The following RIMS2 variants were observed in gnomAD, a reference collection of about 807,000 sequenced individuals.
The protein encoded by RIMS2 is regulating synaptic membrane exocytosis protein 2.
RIMS2 carries 59 observed loss-of-function variants against 174.4 expected under a neutral mutation model. The observed-to-expected ratio is 0.34, with a 90% CI of 0.27 to 0.42. The LOEUF is 0.42. Among genes scored for constraint, RIMS2 ranks in the 10% least tolerant of loss-of-function variants. The pLI is 1.00. For synonymous variants in RIMS2, 606 were observed against 572.5 expected (o/e 1.06, Z -0.84); for missense variants, 1,620 against 1,666.3 (o/e 0.97, Z 0.48).
intron 1 of RIMS2, among the ~76,000 whole-genome samples, chr8:103,608,718 A>G (rs1372549286): frequency 6.6e-6 from 1 of 152,106 alleles, no homozygotes; most frequent in Non-Finnish European, 1.5e-5. Flanking sequence ...AGCCCTTCAG[A>G]AAAGCGCAGT....
intron 13 of RIMS2, among the ~76,000 whole-genome samples, chr8:103,936,967 G>A (rs983263685): frequency 1.3e-5 from 2 of 151,892 alleles, no homozygotes; most frequent in Non-Finnish European, 2.9e-5. Context: ...GCATGGTGGT[G>A]GGCGCCTGTA....
chr8:104,016,193 C>A (rs2154554300), intron 19 of RIMS2, among the ~76,000 whole-genome samples: 1 of 152,070 alleles, frequency 6.6e-6, no homozygotes. Flanking sequence ...ATGCCTGGCA[C>A]ATTGTAGACC....
chr8:103,873,147 T>G (rs2099120510), intron 3 of RIMS2, among the ~76,000 whole-genome samples: 1 of 152,140 alleles, frequency 6.6e-6, no homozygotes, highest in Non-Finnish European at 1.5e-5. Flanking sequence ...TCCTCCCTCA[T>G]GGATGGAGCT....
chr8:103,778,601 T>C (rs2098345492), intron 3 of RIMS2, among the ~76,000 whole-genome samples: 1 of 152,178 alleles, frequency 6.6e-6, no homozygotes, highest in Admixed American at 6.5e-5. Flanking sequence ...ATTCTTTTTA[T>C]GGCCAAATAA....
intron 17 of RIMS2, among the ~76,000 whole-genome samples, chr8:104,011,219 T>A (rs779315795): frequency 6.6e-6 from 1 of 152,124 alleles, no homozygotes; most frequent in Non-Finnish European, 1.5e-5. Flanking sequence ...CCTTCTCTTA[T>A]GTGCTGTCAA....
At chr8:103,750,276 G>A (rs1412301135) in intron 2 of RIMS2, among the ~76,000 whole-genome samples, 2 of 152,064 alleles carry the variant, frequency 1.3e-5, no homozygotes, top group Non-Finnish European at 2.9e-5. Flanking sequence ...AAAATGTGGT[G>A]ATATTAATTA....
chr8:103,553,762 A>T (rs1008017223), intron 1 of RIMS2, among the ~76,000 whole-genome samples: 3 of 152,116 alleles, frequency 2.0e-5, no homozygotes, highest in Non-Finnish European at 4.4e-5. Flanking sequence ...CTAAGTAAAA[A>T]AACAAAGCTG....
In RIMS2 at chr8:103,936,687, C is replaced by T. The variant is rs762884785; in HGVS notation, c.2512C>T (p.Arg838Cys). The T allele has an allele frequency of 1.3e-5, 21 of 1,608,030 alleles. No individual in the cohort carries two copies. The highest frequency in any genetic ancestry group is 2.2e-5 in the East Asian group (1 of 44,480). The change falls in exon 13 of 24, where the codon CGT becomes TGT. Residue 838 changes from arginine (R) to cysteine (C), a missense_variant. Physicochemically the swap from Arg to Cys is radical, Grantham distance 180. Coordinates refer to ENST00000504942, the Ensembl canonical transcript of RIMS2. ...AGAGATTACCCTTTGGGATCAAGCT[C>T]GTGTTCGAGAGGAAGAAAGTGAATT...
Position 104,241,850 on chromosome 8 carries a change from C to T in RIMS2, c.3335-3066C>T, listed in dbSNP as rs2099299834. On this transcript the variant is annotated intron_variant, in intron 19 of 23. Transcript: ENST00000504942. ...TTTCGGCTCACTGCAACCTCTGCCT[C>T]CTGAGTTCAAGTGATTCTCTAGCCT... Among the ~76,000 whole-genome samples, 4 of 152,270 alleles carry T rather than the reference C, an allele frequency of 2.6e-5. No homozygotes were observed. In the South Asian group the frequency reaches 8.3e-4, roughly 32 times the overall value.
At chr8:103,872,290 A>G (rs1279513048) in intron 3 of RIMS2, among the ~76,000 whole-genome samples, 1 of 152,198 alleles carries the variant, frequency 6.6e-6, no homozygotes, top group Non-Finnish European at 1.5e-5. Flanking sequence ...CTTGTATTTC[A>G]TCAGATAACC....
chr8:103,606,259 C>T (rs1381296629), intron 1 of RIMS2, among the ~76,000 whole-genome samples: 1 of 147,796 alleles, frequency 6.8e-6, no homozygotes, highest in African/African-American at 2.5e-5. Flanking sequence ...TCGTTATGTA[C>T]CCAGTAGTCA....
chr8:103,732,088 C>T (rs144956477), intron 2 of RIMS2, among the ~76,000 whole-genome samples: 2,321 of 152,140 alleles, frequency 0.015, 26 homozygotes, highest in Non-Finnish European at 0.024. Flanking sequence ...GTAGGTTTTC[C>T]ATGTATTCAA....
At chr8:103,627,932 C>A (rs1167513422) in intron 1 of RIMS2, among the ~76,000 whole-genome samples, 1 of 152,152 alleles carries the variant, frequency 6.6e-6, no homozygotes, top group East Asian at 1.9e-4. Context: ...AATGCGCCTG[C>A]TCCTTTATGT....
intron 1 of RIMS2, among the ~76,000 whole-genome samples, chr8:103,542,139 C>A (rs1015351567): frequency 6.6e-6 from 1 of 152,020 alleles, no homozygotes; most frequent in Non-Finnish European, 1.5e-5. Flanking sequence ...TAAATGAAAT[C>A]AGGAATTAAA....
In RIMS2 at chr8:103,636,803, C is replaced by CCG. The variant is rs1322508776; in HGVS notation, c.177-60283_177-60282insCG. The stretch of plus-strand genomic sequence containing the variant: ...CCACCCCCGCACCCCCCCCCCCCCA[C>CCG]ACACACACACATACCAATCTGCGTT... On this transcript the variant is annotated intron_variant, in intron 1 of 23. Transcript: ENST00000504942. Among the ~76,000 whole-genome samples, 27 of 74,186 alleles carry CCG rather than the reference C, an allele frequency of 3.6e-4. 2 individuals are homozygous for CCG. The highest frequency in any genetic ancestry group is 8.4e-4 in the Admixed American group (6 of 7,174). 48.7% of individuals were successfully genotyped at this position (74,186 alleles called of 152,430 possible).
In RIMS2 at chr8:103,876,911, C is replaced by CATACAT. The variant is rs1285504625; in HGVS notation, c.699-8386_699-8385insTACATA. ...ATATATATATATATATATATATATACACACACACCCCCATATACATAACAC... is the reference window on the plus strand; with the variant it reads ...ATATATATATATATATATATATATACATACATACACACACCCCCATATACATAACAC... On this transcript the variant is annotated intron_variant, in intron 3 of 23. Transcript: ENST00000504942. 4.9e-3 allele frequency among the ~76,000 whole-genome samples: 225 copies of CATACAT among 45,542 alleles called. 5 individuals are homozygous for CATACAT. Among genetic ancestry groups the CATACAT allele is most frequent in the African/African-American group, 0.014 (214 of 15,230 alleles). 29.9% of individuals were successfully genotyped at this position (45,542 alleles called of 152,430 possible).
At chr8:103,644,393 T>G (rs1793125283) in intron 1 of RIMS2, among the ~76,000 whole-genome samples, 2 of 152,110 alleles carry the variant, frequency 1.3e-5, no homozygotes, top group Admixed American at 1.3e-4. Context: ...TTTCTCATTT[T>G]GAGGATGGGA....
chr8:104,207,129 C>G (rs2099084068), intron 19 of RIMS2, among the ~76,000 whole-genome samples: 1 of 151,990 alleles, frequency 6.6e-6, no homozygotes. Flanking sequence ...GAAATGTCTG[C>G]CAAAGACCCA....
Position 103,691,535 on chromosome 8 carries a change from G to A in RIMS2, c.177-5551G>A, listed in dbSNP as rs150261173. ...TAGAATTTCTACTTGATTCTTTTAC[G>A]TTATTTCAATCTCTTTGTTAAATTT... On this transcript the variant is annotated intron_variant, in intron 1 of 23. Transcript: ENST00000504942. Among the ~76,000 whole-genome samples the A allele has an allele frequency of 3.4e-4, 51 of 152,096 alleles. No individual in the cohort carries two copies. In the East Asian group the frequency reaches 8.1e-3, roughly 24 times the overall value.
Sources: allele counts gnomAD v4.1 joint callset (sites outside exome capture counted in the v4.1 genomes callset), GRCh38; gene constraint gnomAD v4.1.1; transcripts MANE v1.5; gene names NCBI Gene and HGNC (gene_info 2026-07-23, HGNC 2026-07-21).